DYM: variants seen among roughly 807,000 people sequenced by gnomAD.
DYM encodes dyggve-Melchior-Clausen syndrome protein.
Under a neutral mutation model 93.1 loss-of-function variants are expected in DYM, and 78 were observed. The ratio of observed to expected loss-of-function variants is 0.84; its 90% CI spans 0.70 to 1.01. The LOEUF (loss-of-function observed/expected upper bound fraction) is 1.01. Among genes scored for constraint, DYM ranks in the 50% least tolerant of loss-of-function variants. DYM has a pLI of 0.00. For missense variants in DYM, 789 were observed against 845.0 expected (o/e 0.93, Z 0.82); for synonymous variants, 321 against 319.7 (o/e 1.00, Z -0.04).
rs145653666 is a variant in DYM at position 49,333,913 on chromosome 18, C to A, written c.495-60G>T. 1.1e-4 allele frequency: 171 copies of A among 1,498,924 alleles called. 1 individual carries two copies. In the African/African-American group the frequency reaches 2.1e-3, roughly 18 times the overall value. 92.9% of individuals were successfully genotyped at this position (1,498,924 alleles called of 1,614,324 possible). A position where few individuals can be genotyped will look rare whatever the true frequency, so the allele number is the denominator to read the frequency against. On this transcript the variant is annotated intron_variant, in intron 6 of 17. Coordinates refer to ENST00000675505, the MANE Select transcript of DYM (RefSeq NM_001353214.3). ...TGGAAGATTAAGACACTATTCTTTT[C>A]TAAATGAACTATACATTTAAAAACT...
At chr18:49,045,085 C>T (rs1035631341) in intron 17 of DYM, among the ~76,000 whole-genome samples, 2 of 152,232 alleles carry the variant, frequency 1.3e-5, no homozygotes, top group Non-Finnish European at 2.9e-5. Flanking sequence ...CCCTGGGCCT[C>T]TCCTTTGCCA....
At chr18:49,125,822 T>G (rs2082768280) in intron 15 of DYM, among the ~76,000 whole-genome samples, 2 of 152,200 alleles carry the variant, frequency 1.3e-5, no homozygotes, top group Admixed American at 1.3e-4. Context: ...TTCTATGCAG[T>G]ACAGAAAGCT....
chr18:49,427,233 G>A (rs1010514022), intron 2 of DYM, among the ~76,000 whole-genome samples: 1 of 152,000 alleles, frequency 6.6e-6, no homozygotes, highest in Non-Finnish European at 1.5e-5. Context: ...CAATTTACGG[G>A]AAATATATGG....
intron 13 of DYM, among the ~76,000 whole-genome samples, chr18:49,256,352 T>G (rs1047664274): frequency 5.3e-5 from 8 of 152,142 alleles, no homozygotes; most frequent in Non-Finnish European, 1.5e-5. Flanking sequence ...AGTGATGAGG[T>G]ATGAGAAGGA....
chr18:49,064,917 T>C (rs149267674), intron 17 of DYM, among the ~76,000 whole-genome samples: 3 of 151,212 alleles, frequency 2.0e-5, no homozygotes, highest in South Asian at 2.1e-4. Context: ...TGACTAAACA[T>C]TGTCTCTTAA....
chr18:49,430,924 T>C (rs1403585106), intron 1 of DYM, among the ~76,000 whole-genome samples: 2 of 151,836 alleles, frequency 1.3e-5, no homozygotes, highest in African/African-American at 2.4e-5. Flanking sequence ...ACACCTGTCT[T>C]AGCCAATACA....
intron 8 of DYM, among the ~76,000 whole-genome samples, chr18:49,324,688 A>G (rs1453049517): frequency 1.3e-5 from 2 of 152,198 alleles, no homozygotes; most frequent in Non-Finnish European, 2.9e-5. Context: ...TGTCTTATAT[A>G]AATTTGTCCA....
At chr18:49,423,089 A>G (rs1431363803) in intron 2 of DYM, among the ~76,000 whole-genome samples, 2 of 152,354 alleles carry the variant, frequency 1.3e-5, no homozygotes, top group South Asian at 4.1e-4. Context: ...AACAGAATAT[A>G]CATTCTTTTC....
chr18:49,343,167 A>C (rs1209400602), intron 6 of DYM, among the ~76,000 whole-genome samples: 2 of 152,204 alleles, frequency 1.3e-5, no homozygotes, highest in Non-Finnish European at 2.9e-5. Context: ...AGACAAGGAT[A>C]ATCACCATCC....
chr18:49,385,321 G>A (rs1045529634), intron 3 of DYM, among the ~76,000 whole-genome samples: 21 of 152,124 alleles, frequency 1.4e-4, no homozygotes, highest in African/African-American at 5.1e-4. Context: ...AACTGACCTG[G>A]CTCTCACCAC....
intron 8 of DYM, among the ~76,000 whole-genome samples, chr18:49,291,526 CAA>C (rs1201582222): frequency 6.6e-6 from 1 of 151,942 alleles, no homozygotes; most frequent in Non-Finnish European, 1.5e-5. Context: ...TCGAGGTCCT[CAA>C]AAAAGAGTAT....
chr18:49,050,802 T>C (rs558533160), intron 17 of DYM, among the ~76,000 whole-genome samples: 1 of 152,292 alleles, frequency 6.6e-6, no homozygotes, highest in South Asian at 2.1e-4. Flanking sequence ...TTCTCTTATT[T>C]GTTGACTTGT....
intron 11 of DYM, among the ~76,000 whole-genome samples, chr18:49,269,486 A>C (rs1046965779): frequency 3.9e-5 from 6 of 152,210 alleles, no homozygotes; most frequent in Non-Finnish European, 8.8e-5. Flanking sequence ...CACCACCTAT[A>C]AAGATAGCTG....
chr18:49,426,781 G>C (rs2074339592), intron 2 of DYM, among the ~76,000 whole-genome samples: 1 of 150,234 alleles, frequency 6.7e-6, no homozygotes, highest in South Asian at 2.1e-4. Flanking sequence ...GTGTGTGTGT[G>C]TGTGTGTGTG....
chr18:49,273,292 T>A (rs1263315729), intron 10 of DYM, among the ~76,000 whole-genome samples: 1 of 152,186 alleles, frequency 6.6e-6, no homozygotes, highest in East Asian at 1.9e-4. Flanking sequence ...GTATACCAGT[T>A]ACCAAGCAGT....
chr18:49,285,677 A>G (rs551543631), intron 9 of DYM, among the ~76,000 whole-genome samples: 1 of 152,346 alleles, frequency 6.6e-6, no homozygotes, highest in East Asian at 1.9e-4. Context: ...TAAGTACACT[A>G]TGATATTCAC....
intron 6 of DYM, among the ~76,000 whole-genome samples, chr18:49,358,716 T>C (rs911216335): frequency 2.0e-5 from 3 of 152,134 alleles, no homozygotes; most frequent in East Asian, 3.9e-4. Flanking sequence ...CTGAGGCCAA[T>C]AGAAAGAGGC....
chr18:49,250,030 C>A (rs1449904995), intron 13 of DYM, among the ~76,000 whole-genome samples: 1 of 152,218 alleles, frequency 6.6e-6, no homozygotes, highest in Non-Finnish European at 1.5e-5. Flanking sequence ...ATCTTATGGA[C>A]ACCAGATCAT....
intron 12 of DYM, among the ~76,000 whole-genome samples, chr18:49,258,011 T>C (rs896067421): frequency 1.3e-5 from 2 of 152,226 alleles, no homozygotes; most frequent in African/African-American, 2.4e-5. Flanking sequence ...AAATATTCTC[T>C]CTTCTACCTT....
Sources: gnomAD v4.1 joint callset for allele counts (sites outside exome capture counted in the v4.1 genomes callset) on GRCh38, gnomAD v4.1.1 for gene constraint, MANE v1.5 for transcripts, NCBI Gene and HGNC (gene_info 2026-07-23, HGNC 2026-07-21) for gene names.